NELL1: variants seen among roughly 807,000 people sequenced by gnomAD.
NELL1 encodes protein kinase C-binding protein NELL1.
A neutral mutation model predicts 107.4 loss-of-function variants in NELL1; 76 were observed. The ratio of observed to expected loss-of-function variants is 0.71; its 90% CI spans 0.59 to 0.86. The LOEUF is 0.86. Ranked by LOEUF, NELL1 falls within the 40% of genes least tolerant of loss-of-function variation. The pLI, the probability that NELL1 is intolerant of heterozygous loss-of-function variation, is 0.00. For missense variants in NELL1, 1,024 were observed against 1,005.5 expected (o/e 1.02, Z -0.25); for synonymous variants, 353 against 341.2 (o/e 1.03, Z -0.38).
At chr11:20,918,982 T>A (rs958718840) in intron 6 of NELL1, among the ~76,000 whole-genome samples, 7 of 152,158 alleles carry the variant, frequency 4.6e-5, no homozygotes, top group African/African-American at 1.7e-4. Flanking sequence ...TACCTCCCTA[T>A]AAAAATGAGA....
intron 3 of NELL1, among the ~76,000 whole-genome samples, chr11:20,795,420 G>C (rs542211839): frequency 3.3e-5 from 5 of 152,254 alleles, no homozygotes; most frequent in Middle Eastern, 3.4e-3. Flanking sequence ...TTTTACAGTA[G>C]CAATAGAGTG....
At chr11:20,964,294 G>A (rs775782196) in intron 12 of NELL1, among the ~76,000 whole-genome samples, 1 of 152,080 alleles carries the variant, frequency 6.6e-6, no homozygotes, top group Admixed American at 6.6e-5. Flanking sequence ...TGAATTTGGA[G>A]TCTACCTAGA....
chr11:21,063,768 G>A (rs1292438360), intron 12 of NELL1, among the ~76,000 whole-genome samples: 2 of 152,202 alleles, frequency 1.3e-5, no homozygotes, highest in Non-Finnish European at 2.9e-5. Flanking sequence ...AGATATATTA[G>A]TGAATATCAA....
At chr11:20,700,043 C>T (rs1854732940) in intron 2 of NELL1, among the ~76,000 whole-genome samples, 1 of 151,890 alleles carries the variant, frequency 6.6e-6, no homozygotes, top group African/African-American at 2.4e-5. Flanking sequence ...GGACGTAGAA[C>T]TTTTTTTTTA....
chr11:20,777,268 A>C (rs1166154668), intron 2 of NELL1, among the ~76,000 whole-genome samples: 1 of 152,240 alleles, frequency 6.6e-6, no homozygotes, highest in Non-Finnish European at 1.5e-5. Flanking sequence ...ATGTCTTCTA[A>C]AGTTATTGTA....
chr11:20,845,637 A>C lies in NELL1; in HGVS notation c.336-1946A>C, dbSNP rs569135298. The stretch of plus-strand genomic sequence containing the variant: ...AGATACTTAATATCTTTGATCATCT[A>C]TAAAATAGGGATAATGAAATCTACC... On this transcript the variant is annotated intron_variant, in intron 3 of 19. Coordinates refer to ENST00000357134, the MANE Select transcript of NELL1 (RefSeq NM_006157.5). Among the ~76,000 whole-genome samples, 5 of 152,304 alleles carry C rather than the reference A, an allele frequency of 3.3e-5. No homozygotes were observed. In the South Asian group the frequency reaches 1.0e-3, roughly 32 times the overall value.
chr11:20,986,657 T>C (rs1166613967), intron 12 of NELL1, among the ~76,000 whole-genome samples: 4 of 152,194 alleles, frequency 2.6e-5, no homozygotes. Context: ...CACAGCATCC[T>C]TCCCGTATTT....
intron 2 of NELL1, among the ~76,000 whole-genome samples, chr11:20,701,010 T>C (rs1052704721): frequency 6.6e-6 from 1 of 152,158 alleles, no homozygotes; most frequent in Non-Finnish European, 1.5e-5. Context: ...TTATAGTCCT[T>C]TGGGTATGTA....
intron 15 of NELL1, among the ~76,000 whole-genome samples, chr11:21,427,475 T>C (rs1440702722): frequency 6.6e-6 from 1 of 152,176 alleles, no homozygotes; most frequent in African/African-American, 2.4e-5. Flanking sequence ...CCCTCTAAAC[T>C]TCAATCATGA....
chr11:21,154,494 A>T (rs752440404), intron 13 of NELL1, among the ~76,000 whole-genome samples: 4 of 152,186 alleles, frequency 2.6e-5, no homozygotes, highest in Non-Finnish European at 5.9e-5. Flanking sequence ...CTAAGTTATG[A>T]GACTCCAGAG....
At chr11:20,714,588 G>T (rs558850852) in intron 2 of NELL1, among the ~76,000 whole-genome samples, 1 of 149,956 alleles carries the variant, frequency 6.7e-6, no homozygotes, top group Non-Finnish European at 1.5e-5. Context: ...GTGGCATGTT[G>T]CCAGCTCACT....
intron 14 of NELL1, among the ~76,000 whole-genome samples, chr11:21,270,856 T>C (rs1848725302): frequency 6.6e-6 from 1 of 152,070 alleles, no homozygotes; most frequent in South Asian, 2.1e-4. Flanking sequence ...AGAATTAAAA[T>C]GGAAATCAAT....
At chr11:20,970,083 C>G (rs1435267077) in intron 12 of NELL1, among the ~76,000 whole-genome samples, 1 of 151,878 alleles carries the variant, frequency 6.6e-6, no homozygotes, top group Non-Finnish European at 1.5e-5. Flanking sequence ...ATCCATCCAT[C>G]CATCCATCCA....
chr11:21,070,645 T>C (rs1853989492), intron 12 of NELL1, among the ~76,000 whole-genome samples: 1 of 152,212 alleles, frequency 6.6e-6, no homozygotes, highest in African/African-American at 2.4e-5. Context: ...GCACCTGCTA[T>C]TTCTTGCCTT....
chr11:21,370,325 T>C (rs1441543182), intron 14 of NELL1, among the ~76,000 whole-genome samples: 2 of 152,102 alleles, frequency 1.3e-5, no homozygotes, highest in Non-Finnish European at 2.9e-5. Flanking sequence ...TTGTTTTTAT[T>C]ACCAAAATAT....
chr11:21,308,947 GA>G (rs1191225229), intron 14 of NELL1, among the ~76,000 whole-genome samples: 3 of 150,964 alleles, frequency 2.0e-5, no homozygotes, highest in Non-Finnish European at 4.4e-5. Flanking sequence ...AAAATGCCTT[GA>G]AAAAAAAGCA....
intron 12 of NELL1, among the ~76,000 whole-genome samples, chr11:20,964,758 A>G (rs1366623466): frequency 6.6e-6 from 1 of 152,206 alleles, no homozygotes; most frequent in Non-Finnish European, 1.5e-5. Context: ...TGGACGTGAC[A>G]TGTAGTTTCA....
At chr11:20,850,613 G>A (rs961546742) in intron 4 of NELL1, among the ~76,000 whole-genome samples, 2 of 152,152 alleles carry the variant, frequency 1.3e-5, no homozygotes, top group African/African-American at 4.8e-5. Context: ...AAGCTATTTA[G>A]CCCAATAGTG....
At chr11:21,464,640 T>G (rs1192247281) in intron 15 of NELL1, among the ~76,000 whole-genome samples, 1 of 152,114 alleles carries the variant, frequency 6.6e-6, no homozygotes, top group Admixed American at 6.6e-5. Flanking sequence ...TTATAAAAGA[T>G]TATTAAATAT....
Sources: gnomAD v4.1 joint callset for allele counts (sites outside exome capture counted in the v4.1 genomes callset) on GRCh38, gnomAD v4.1.1 for gene constraint, MANE v1.5 for transcripts, NCBI Gene and HGNC (gene_info 2026-07-23, HGNC 2026-07-21) for gene names.